Variants in CPLX2 observed in about 807,000 individuals in gnomAD.
CPLX2 encodes complexin-2.
Under a neutral mutation model 16.3 loss-of-function variants are expected in CPLX2, and 5 were observed. The observed-to-expected ratio is 0.31, with a 90% CI of 0.16 to 0.64. The LOEUF (loss-of-function observed/expected upper bound fraction) is 0.64. Ranked by LOEUF, CPLX2 falls within the 30% of genes least tolerant of loss-of-function variation. CPLX2 has a pLI of 0.79. For synonymous variants in CPLX2, 89 were observed against 73.2 expected, an observed-to-expected ratio of 1.22 and a Z score of -1.10; for missense variants, 144 against 181.4, an observed-to-expected ratio of 0.79 and a Z score of 1.18.
intron 1 of CPLX2, among the ~76,000 whole-genome samples, chr5:175,873,643 A>G (rs1007501284): frequency 3.3e-5 from 5 of 152,166 alleles, no homozygotes; most frequent in African/African-American, 1.2e-4. Flanking sequence ...GCATGGAGGG[A>G]GTGCTGTTTG....
intron 2 of CPLX2, among the ~76,000 whole-genome samples, chr5:175,811,816 G>A (rs994184694): frequency 1.3e-5 from 2 of 152,204 alleles, no homozygotes; most frequent in Admixed American, 1.3e-4. Context: ...TCAGTCAGGG[G>A]GCACCACATG....
At chr5:175,860,682 G>A (rs1420263972) in intron 2 of CPLX2, among the ~76,000 whole-genome samples, 1 of 151,794 alleles carries the variant, frequency 6.6e-6, no homozygotes, top group East Asian at 1.9e-4. Flanking sequence ...TCCCAGGGCT[G>A]ACTCTCATTG....
At chr5:175,858,835 G>A (rs1406513337) in intron 2 of CPLX2, among the ~76,000 whole-genome samples, 1 of 152,222 alleles carries the variant, frequency 6.6e-6, no homozygotes, top group East Asian at 1.9e-4. Flanking sequence ...TGAAGACCAA[G>A]GGAGCCTGTT....
intron 2 of CPLX2, among the ~76,000 whole-genome samples, chr5:175,853,823 C>A (rs1162276180): frequency 6.6e-6 from 1 of 152,162 alleles, no homozygotes; most frequent in Non-Finnish European, 1.5e-5. Context: ...ACTTCCCTCC[C>A]CAGCTTCCCC....
rs546561549 is a variant in CPLX2, at chr5:175,809,979, T to C, written c.-89+911T>C. On this transcript the variant is annotated intron_variant, in intron 2 of 4. Transcript: ENST00000359546. The surrounding 1 kb of genome is among the most constrained non-coding windows in gnomAD (Gnocchi z 4.4). ...TCATCCAGATGGGAGCTATTTATGA[T>C]GCTGAGTCATTCGCAGAGAATGCCA... 5.3e-5 allele frequency among the ~76,000 whole-genome samples: 8 copies of C among 152,308 alleles called. No homozygotes were observed. Among genetic ancestry groups the C allele is most frequent in the Non-Finnish European group, 4.4e-5 (3 of 68,022 alleles).
At chr5:175,836,155 C>T (rs529680840) in intron 2 of CPLX2, among the ~76,000 whole-genome samples, 23 of 152,230 alleles carry the variant, frequency 1.5e-4, no homozygotes, top group East Asian at 3.9e-4. Flanking sequence ...TCGAAACCAT[C>T]CTGGCTAACA....
rs1336336137 is a variant in CPLX2, at chr5:175,849,738, T to C, written c.-88-28914T>C. On this transcript the variant is annotated intron_variant, in intron 2 of 4. Transcript: ENST00000359546. The surrounding 1 kb of genome is among the most constrained non-coding windows in gnomAD (Gnocchi z 4.4). The stretch of plus-strand genomic sequence containing the variant: ...CCTCTCGGTGTTATAGCTCCCCTGC[T>C]GCGTGAGCTCCAACAGGGCCCTGGA... Among the ~76,000 whole-genome samples, 1 of 152,048 alleles carries C rather than the reference T, an allele frequency of 6.6e-6. No individual in the cohort carries two copies. The highest frequency in any genetic ancestry group is 1.5e-5 in the Non-Finnish European group (1 of 68,002).
intron 2 of CPLX2, among the ~76,000 whole-genome samples, chr5:175,840,601 G>A (rs1015695407): frequency 8.5e-5 from 13 of 152,172 alleles, no homozygotes; most frequent in African/African-American, 2.7e-4. Flanking sequence ...TCCTTTCATG[G>A]AGGACGAAAA....
intron 2 of CPLX2, among the ~76,000 whole-genome samples, chr5:175,833,810 C>T (rs190391448): frequency 1.3e-5 from 2 of 152,290 alleles, no homozygotes; most frequent in East Asian, 3.9e-4. Context: ...TCTTTGAAAA[C>T]TTTGCCCAGA....
Position 175,882,104 on chromosome 5 carries a change from T to C in CPLX2, c.*2059T>C, listed in dbSNP as rs1755626584. ...CTCGACAGCTCCAGCTCCCTTGACC[T>C]ACCTTCCTCCCCGCACCCCGCCCCC... On this transcript the variant is annotated 3_prime_UTR_variant, in exon 4 of 4. Coordinates refer to ENST00000393745, the MANE Select transcript of CPLX2 (RefSeq NM_001008220.2). The C allele has an allele frequency of 6.5e-6, 1 of 152,672 alleles. No individual in the cohort carries two copies. The highest frequency in any genetic ancestry group is 1.5e-5 in the Non-Finnish European group (1 of 68,110). 9.5% of individuals were successfully genotyped at this position (152,672 alleles called of 1,614,324 possible).
At chr5:175,818,774 G>C (rs1172329207) in intron 2 of CPLX2, among the ~76,000 whole-genome samples, 1 of 141,302 alleles carries the variant, frequency 7.1e-6, no homozygotes, top group Non-Finnish European at 1.5e-5. Context: ...CGATTCTCCT[G>C]CCTCAGCCTC....
At chr5:175,838,026 T>C (rs1758868859) in intron 2 of CPLX2, among the ~76,000 whole-genome samples, 1 of 152,224 alleles carries the variant, frequency 6.6e-6, no homozygotes, top group African/African-American at 2.4e-5. Context: ...TTTTAAACTG[T>C]GATATACCTC....
intron 1 of CPLX2, among the ~76,000 whole-genome samples, chr5:175,806,729 C>T (rs1389074089): frequency 4.6e-5 from 7 of 151,668 alleles, no homozygotes; most frequent in Non-Finnish European, 7.4e-5. Context: ...AAACTCCCTA[C>T]CTCAGGCGAT....
intron 2 of CPLX2, among the ~76,000 whole-genome samples, chr5:175,817,038 G>A (rs1758420552): frequency 6.6e-6 from 1 of 152,230 alleles, no homozygotes. Context: ...AGACGCCAGT[G>A]CACTCGGGGA....
intron 2 of CPLX2, among the ~76,000 whole-genome samples, chr5:175,859,204 C>G (rs1172653559): frequency 1.3e-5 from 2 of 152,226 alleles, no homozygotes; most frequent in Non-Finnish European, 2.9e-5. Context: ...ACATTTAAAA[C>G]TTGATGACTT....
chr5:175,836,163 A>C (rs959511016), intron 2 of CPLX2, among the ~76,000 whole-genome samples: 1 of 152,126 alleles, frequency 6.6e-6, no homozygotes, highest in Admixed American at 6.5e-5. Context: ...ATCCTGGCTA[A>C]CACGGTGAAA....
intron 2 of CPLX2, among the ~76,000 whole-genome samples, chr5:175,847,164 G>T (rs1410754115): frequency 6.6e-6 from 1 of 152,246 alleles, no homozygotes; most frequent in East Asian, 1.9e-4. Context: ...GGCCACCGCA[G>T]GAAGTTTCTG....
At position 175,800,632 on chromosome 5, in the gene CPLX2, G is replaced by A. The variant is rs990731272; in HGVS notation, c.-169+3848G>A. On this transcript the variant is annotated intron_variant, in intron 1 of 4. Transcript: ENST00000359546. The stretch of plus-strand genomic sequence containing the variant: ...TGACTTAGATGCAGTATATTACCTG[G>A]GCCTAGCTGAACTGCAATATGTAAG... Among the ~76,000 whole-genome samples the A allele has an allele frequency of 8.7e-4, 132 of 152,206 alleles. 1 individual carries two copies. The highest frequency in any genetic ancestry group is 3.1e-3 in the African/African-American group (128 of 41,506).
chr5:175,865,078 ATGTGCGCGCGCG>A (rs1759447499), intron 2 of CPLX2, among the ~76,000 whole-genome samples: 1 of 80,830 alleles, frequency 1.2e-5, no homozygotes, highest in Non-Finnish European at 2.4e-5. Context: ...ACATGCACGC[ATGTGCGCGCGCG>A]CACACACACA....
Sources: allele counts gnomAD v4.1 joint callset (sites outside exome capture counted in the v4.1 genomes callset), GRCh38; gene constraint gnomAD v4.1.1; non-coding constraint Gnocchi (gnomAD v3.1); transcripts MANE v1.5; gene names NCBI Gene and HGNC (gene_info 2026-07-23, HGNC 2026-07-21).